DHRS9: variants seen among roughly 807,000 people sequenced by gnomAD.
The protein encoded by DHRS9 is dehydrogenase/reductase SDR family member 9.
DHRS9 carries 18 observed loss-of-function variants against 26.6 expected under a neutral mutation model. The ratio of observed to expected loss-of-function variants is 0.68; its 90% CI spans 0.47 to 1.00. The LOEUF (loss-of-function observed/expected upper bound fraction) is 1.00, where lower values mean the gene tolerates loss of function less well. DHRS9 is among the 50% of genes least tolerant of loss of function. DHRS9 has a pLI of 0.00. For missense variants in DHRS9, 425 were observed against 378.7 expected (o/e 1.12, Z -1.01); for synonymous variants, 134 against 141.1 (o/e 0.95, Z 0.36).
At chr2:169,087,791 G>C (rs923021195) in intron 3 of DHRS9, among the ~76,000 whole-genome samples, 1 of 152,130 alleles carries the variant, frequency 6.6e-6, no homozygotes, top group Non-Finnish European at 1.5e-5. Flanking sequence ...TGTCCAGGAG[G>C]TAGGGCCTGG....
intron 1 of DHRS9, among the ~76,000 whole-genome samples, chr2:169,080,373 G>A (rs1684145890): frequency 6.6e-6 from 1 of 152,230 alleles, no homozygotes; most frequent in Non-Finnish European, 1.5e-5. Flanking sequence ...GCTCCTCTGT[G>A]GGGAGGGAGC....
intron 1 of DHRS9, among the ~76,000 whole-genome samples, chr2:169,071,345 T>A (rs1683799391): frequency 6.6e-6 from 1 of 152,166 alleles, no homozygotes; most frequent in African/African-American, 2.4e-5. Flanking sequence ...GTCAAAATAA[T>A]AAACCTAGGA....
At chr2:169,077,839 C>G (rs1002104956) in intron 1 of DHRS9, among the ~76,000 whole-genome samples, 2 of 152,182 alleles carry the variant, frequency 1.3e-5, no homozygotes, top group Non-Finnish European at 2.9e-5. Flanking sequence ...ATTCCCTCAT[C>G]TACTTTCCCC....
chr2:169,070,875 T>C, intron 1 of DHRS9: 1 of 399,576 alleles, frequency 2.5e-6, no homozygotes, highest in South Asian at 1.0e-4. Flanking sequence ...CCATCCTGGC[T>C]AACACGGTGA....
At chr2:169,082,737 A>T (rs1201691242) in intron 2 of DHRS9, among the ~76,000 whole-genome samples, 1 of 152,158 alleles carries the variant, frequency 6.6e-6, no homozygotes, top group Non-Finnish European at 1.5e-5. Flanking sequence ...CTTTGTCCAT[A>T]CAGAACATTA....
chr2:169,083,232 A>C, intron 2 of DHRS9, 97 bp from the exon 3 acceptor site: 1 of 1,446,470 alleles, frequency 6.9e-7, no homozygotes, highest in Middle Eastern at 2.5e-4. Flanking sequence ...TTCAAGGAGG[A>C]AATGGCACCA....
upstream of DHRS9, among the ~76,000 whole-genome samples, chr2:169,068,179 C>CCT (rs1371240457): frequency 4.6e-5 from 7 of 152,278 alleles, no homozygotes; most frequent in African/African-American, 7.2e-5. Flanking sequence ...ATTATTTATA[C>CCT]CTTACTTCAT....
upstream of DHRS9, chr2:169,067,301 G>T (rs374693865): frequency 4.6e-6 from 7 of 1,533,350 alleles, no homozygotes; most frequent in East Asian, 2.4e-5. Context: ...GCTCATCTTA[G>T]AATGATCTGT....
Position 169,087,878 on chromosome 2 carries a change from C to G in DHRS9, c.573-3912C>G, listed in dbSNP as rs145281380. 4.5e-3 allele frequency among the ~76,000 whole-genome samples: 687 copies of G among 152,214 alleles called. 6 individuals carry two copies. The highest frequency in any genetic ancestry group is 0.016 in the African/African-American group (660 of 41,530). On this transcript the variant is annotated intron_variant, in intron 3 of 4. Transcript: ENST00000674881. ...GTTATCCAAGTCACAAGACAAAGTC[C>G]TCTTTATTCTCCCCTTACCTCTCCT...
Position 169,069,572 on chromosome 2 carries a change from T to C in DHRS9, c.-205T>C. On this transcript the variant is annotated 5_prime_UTR_variant, in exon 1 of 5. Transcript: ENST00000674881. ...TCCTCACACATGTAGTACTCAGAGC[T>C]CTACGGAAACCCAGGCACCTCGACC... is the stretch of plus-strand genomic sequence containing the variant. The C allele has an allele frequency of 1.0e-6, 1 of 985,402 alleles. No individual in the cohort carries two copies. The highest frequency in any genetic ancestry group is 1.2e-6 in the Non-Finnish European group (1 of 829,938). The allele number at this position is 985,402 out of a possible 1,614,324, so 61.0% of individuals were successfully genotyped here. A position where few individuals can be genotyped will look rare whatever the true frequency, so the allele number is the denominator to read the frequency against.
chr2:169,090,663 A>G (rs2105301581), intron 3 of DHRS9, among the ~76,000 whole-genome samples: 1 of 152,352 alleles, frequency 6.6e-6, no homozygotes, highest in East Asian at 1.9e-4. Context: ...CTTATATTAT[A>G]TATTCCTGGT....
chr2:169,084,590 A>G (rs1004849193), intron 3 of DHRS9, among the ~76,000 whole-genome samples: 3 of 152,136 alleles, frequency 2.0e-5, no homozygotes, highest in Admixed American at 6.6e-5. Flanking sequence ...CTGATGATCA[A>G]TGATGTTGAG....
chr2:169,095,784 T>G lies in DHRS9; in HGVS notation c.*17T>G, dbSNP rs185433924. ...GCAGTGTGACTCAGCTAACCACAAATGTCTCCTCCAGGCTATGAAATTGGC... is the reference window on the plus strand; with the variant it reads ...GCAGTGTGACTCAGCTAACCACAAAGGTCTCCTCCAGGCTATGAAATTGGC... On this transcript the variant is annotated 3_prime_UTR_variant, in exon 5 of 5. Transcript: ENST00000674881. 1 of 1,609,484 alleles carries G rather than the reference T, an allele frequency of 6.2e-7. No homozygotes were observed. Among genetic ancestry groups the G allele is most frequent in the South Asian group, 1.1e-5 (1 of 90,968 alleles).
chr2:169,071,276 ATAAAG>A (rs1295028706), intron 1 of DHRS9, among the ~76,000 whole-genome samples: 1 of 152,246 alleles, frequency 6.6e-6, no homozygotes, highest in Non-Finnish European at 1.5e-5. Flanking sequence ...GTGACCATAA[ATAAAG>A]TAATCATAGC....
intron 3 of DHRS9, among the ~76,000 whole-genome samples, chr2:169,091,137 T>G (rs1351235722): frequency 1.3e-5 from 2 of 152,058 alleles, no homozygotes; most frequent in Non-Finnish European, 2.9e-5. Context: ...GTATATTGGT[T>G]TGCTTTAAAG....
At chr2:169,083,651 A>C in intron 3 of DHRS9, 64 bp downstream of exon 3, 1 of 1,564,188 alleles carries the variant, frequency 6.4e-7, no homozygotes, top group African/African-American at 1.4e-5. Flanking sequence ...ATGCTTATGT[A>C]CAAGACATCC....
At chr2:169,079,325 T>C (rs1216165499) in intron 1 of DHRS9, among the ~76,000 whole-genome samples, 3 of 152,152 alleles carry the variant, frequency 2.0e-5, no homozygotes, top group Non-Finnish European at 4.4e-5. Flanking sequence ...TGTGTCTGTG[T>C]GTGTGGTGTT....
chr2:169,074,669 A>G (rs1257153777), intron 1 of DHRS9, among the ~76,000 whole-genome samples: 1 of 152,164 alleles, frequency 6.6e-6, no homozygotes, highest in East Asian at 1.9e-4. Context: ...GTTGCTGCTC[A>G]GAGTTGGCAT....
chr2:169,091,964 G>A lies in DHRS9; in HGVS notation c.736+11G>A, dbSNP rs755631648. ...GTTACATTGAAAAAAGTGAGTTTCC[G>A]GGCGGTGCCAATGTCCTCTAGAATT... On this transcript the variant is annotated intron_variant, in intron 4 of 4. Coordinates refer to ENST00000674881, the MANE Select transcript of DHRS9 (RefSeq NM_001376924.1). The A allele has an allele frequency of 2.9e-5, 47 of 1,612,486 alleles. No individual in the cohort carries two copies. The highest frequency in any genetic ancestry group is 3.6e-5 in the Non-Finnish European group (42 of 1,179,254).
Sources: gnomAD v4.1 joint callset for allele counts (sites outside exome capture counted in the v4.1 genomes callset) on GRCh38, gnomAD v4.1.1 for gene constraint, MANE v1.5 for transcripts, NCBI Gene and HGNC (gene_info 2026-07-23, HGNC 2026-07-21) for gene names.